Variants in PDE4D observed in about 807,000 individuals in gnomAD.
PDE4D encodes the protein phosphodiesterase 4D.
PDE4D carries 24 observed loss-of-function variants against 87.4 expected under a neutral mutation model. That is an observed-to-expected ratio of 0.27 (90% CI 0.20 to 0.39). The LOEUF (loss-of-function observed/expected upper bound fraction) is 0.39, where lower values mean the gene tolerates loss of function less well. Ranked by LOEUF, PDE4D falls within the 10% of genes least tolerant of loss-of-function variation. PDE4D has a pLI of 1.00. For synonymous variants in PDE4D, 384 were observed against 383.2 expected, an observed-to-expected ratio of 1.00 and a Z score of -0.02; for missense variants, 714 against 1,041.0, an observed-to-expected ratio of 0.69 and a Z score of 4.32.
At chr5:60,147,149 A>C (rs1329372191) in intron 2 of PDE4D, among the ~76,000 whole-genome samples, 1 of 152,164 alleles carries the variant, frequency 6.6e-6, no homozygotes, top group Non-Finnish European at 1.5e-5. Flanking sequence ...AGAAAGCTAC[A>C]CTGGTACTTC....
chr5:59,105,041 G>A (rs909745608), intron 5 of PDE4D, among the ~76,000 whole-genome samples: 26 of 152,126 alleles, frequency 1.7e-4, no homozygotes, highest in Admixed American at 6.6e-5. Context: ...TACTTCTGTC[G>A]TGCTATCCAA....
chr5:59,370,962 G>C (rs1436098112), intron 1 of PDE4D, among the ~76,000 whole-genome samples: 1 of 152,212 alleles, frequency 6.6e-6, no homozygotes, highest in Non-Finnish European at 1.5e-5. Flanking sequence ...CCAACCCGTG[G>C]CTTGTGGGCT....
chr5:60,094,174 C>T (rs552652618), intron 2 of PDE4D, among the ~76,000 whole-genome samples: 1 of 152,304 alleles, frequency 6.6e-6, no homozygotes, highest in South Asian at 2.1e-4. Context: ...AAGTTTCCCT[C>T]TTTCCTGAGT....
chr5:59,401,440 G>A (rs536815881), intron 1 of PDE4D, among the ~76,000 whole-genome samples: 1 of 120,240 alleles, frequency 8.3e-6, no homozygotes, highest in African/African-American at 3.2e-5. Context: ...ACATATATTA[G>A]AGACTATCTA....
chr5:60,470,430 C>T (rs1280430178), intron 1 of PDE4D, among the ~76,000 whole-genome samples: 1 of 152,130 alleles, frequency 6.6e-6, no homozygotes, highest in South Asian at 2.1e-4. Flanking sequence ...CTACACTGAA[C>T]AACAGATTTT....
At chr5:59,992,868 CAGT>C (rs1763153382) in intron 2 of PDE4D, among the ~76,000 whole-genome samples, 1 of 152,002 alleles carries the variant, frequency 6.6e-6, no homozygotes, top group African/African-American at 2.4e-5. Flanking sequence ...CATTCCAAAA[CAGT>C]ATAAGAGGCT....
At chr5:59,224,948 C>T (rs746891934) in intron 1 of PDE4D, among the ~76,000 whole-genome samples, 4 of 152,120 alleles carry the variant, frequency 2.6e-5, no homozygotes, top group Admixed American at 1.3e-4. Context: ...CTTTGTTATG[C>T]GGCCTGAGTT....
intron 1 of PDE4D, among the ~76,000 whole-genome samples, chr5:59,461,515 T>A (rs1050303959): frequency 6.6e-6 from 1 of 152,174 alleles, no homozygotes; most frequent in African/African-American, 2.4e-5. Context: ...CTCTAGACCA[T>A]CTGGCTACCT....
chr5:60,363,172 A>G (rs1473669961), intron 1 of PDE4D, among the ~76,000 whole-genome samples: 2 of 152,200 alleles, frequency 1.3e-5, no homozygotes, highest in African/African-American at 4.8e-5. Flanking sequence ...TATCAGAATT[A>G]TAGAGGTAAA....
chr5:59,235,022 A>G (rs1372115618), intron 1 of PDE4D, among the ~76,000 whole-genome samples: 2 of 151,568 alleles, frequency 1.3e-5, no homozygotes, highest in Admixed American at 1.3e-4. Context: ...TTCAGAACTT[A>G]AGTTAAATTT....
In PDE4D at chr5:59,278,876, T is replaced by C. The variant is rs560567578; in HGVS notation, c.456-62908A>G. On this transcript the variant is annotated intron_variant, in intron 1 of 14. Transcript: ENST00000340635. ...ATGGAAAGCGTCAATTGCATACAGG[T>C]AGATTGTGCGCACCTAAAATGTGAT... 1.9e-4 allele frequency among the ~76,000 whole-genome samples: 29 copies of C among 152,204 alleles called. No homozygotes were observed. The South Asian group carries it at 6.0e-3, about 32-fold the overall frequency.
At chr5:60,172,107 T>TA (rs1783494522) in intron 2 of PDE4D, among the ~76,000 whole-genome samples, 1 of 147,196 alleles carries the variant, frequency 6.8e-6, no homozygotes, top group Admixed American at 6.8e-5. Context: ...AGTGAATATA[T>TA]ATATATTATA....
intron 2 of PDE4D, among the ~76,000 whole-genome samples, chr5:60,048,838 T>C (rs530917118): frequency 1.3e-5 from 2 of 152,202 alleles, no homozygotes; most frequent in Non-Finnish European, 2.9e-5. Flanking sequence ...CTGACAATTA[T>C]GTGTCTTGGA....
intron 1 of PDE4D, among the ~76,000 whole-genome samples, chr5:59,341,545 T>C (rs1778723113): frequency 6.6e-6 from 1 of 152,246 alleles, no homozygotes; most frequent in African/African-American, 2.4e-5. Context: ...ACTTGACACT[T>C]GGCTAGTTCT....
chr5:59,771,416 GGAAAGAAAGAAAAAGAAAAA>G (rs1392519033), intron 1 of PDE4D, among the ~76,000 whole-genome samples: 1 of 102,814 alleles, frequency 9.7e-6, no homozygotes. Context: ...TCAAAAAGAA[GGAAAGAAAGAAAAAGAAAAA>G]GAAAGAAAGA....
chr5:60,429,032 A>G (rs979165762), intron 1 of PDE4D, among the ~76,000 whole-genome samples: 9 of 152,222 alleles, frequency 5.9e-5, no homozygotes, highest in African/African-American at 1.9e-4. Context: ...TGTGACTACT[A>G]ATAGTTCTCC....
chr5:59,370,827 C>A (rs1185698441), intron 1 of PDE4D, among the ~76,000 whole-genome samples: 2 of 152,102 alleles, frequency 1.3e-5, no homozygotes, highest in African/African-American at 4.8e-5. Context: ...AATATTGATA[C>A]TTATTAAACA....
chr5:59,077,893 A>G (rs1476074106), intron 5 of PDE4D, among the ~76,000 whole-genome samples: 1 of 152,184 alleles, frequency 6.6e-6, no homozygotes, highest in Admixed American at 6.5e-5. Flanking sequence ...GGTAGTGTAT[A>G]CTGCAGATTT....
intron 1 of PDE4D, among the ~76,000 whole-genome samples, chr5:60,384,403 T>G (rs2150012479): frequency 6.6e-6 from 1 of 152,348 alleles, no homozygotes; most frequent in South Asian, 2.1e-4. Flanking sequence ...GGAGGTAATC[T>G]CTACTACTTT....
Sources: gnomAD v4.1 joint callset for allele counts (sites outside exome capture counted in the v4.1 genomes callset) on GRCh38, gnomAD v4.1.1 for gene constraint, MANE v1.5 for transcripts, NCBI Gene and HGNC (gene_info 2026-07-23, HGNC 2026-07-21) for gene names.